ENKUR: variants seen among roughly 807,000 people sequenced by gnomAD.
ENKUR encodes the protein enkurin, TRPC channel interacting protein, also known as enkurin.
A neutral mutation model predicts 27.6 loss-of-function variants in ENKUR; 19 were observed. That is an observed-to-expected ratio of 0.69 (90% CI 0.48 to 1.01). The LOEUF (loss-of-function observed/expected upper bound fraction) is 1.01, where lower values mean the gene tolerates loss of function less well. Among genes scored for constraint, ENKUR ranks in the 50% least tolerant of loss-of-function variants. ENKUR has a pLI of 0.00. For missense variants in ENKUR, 312 were observed against 310.5 expected, an observed-to-expected ratio of 1.00 and a Z score of -0.04; for synonymous variants, 117 against 96.9, an observed-to-expected ratio of 1.21 and a Z score of -1.22.
intron 1 of ENKUR, among the ~76,000 whole-genome samples, chr10:25,011,680 T>C (rs4748994): frequency 0.45 from 68,966 of 151,998 alleles, 16,843 homozygotes; most frequent in African/African-American, 0.65. Flanking sequence ...TGGGCAAGGT[T>C]TTCATGTCTA....
chr10:24,999,269 T>C, intron 2 of ENKUR, 132 bp downstream of exon 2: 1 of 861,168 alleles, frequency 1.2e-6, no homozygotes, highest in Non-Finnish European at 1.7e-6. Flanking sequence ...CACTTTCTCC[T>C]AGTCAAATTC....
At chr10:25,027,413 T>C (rs1210061451) in intron 2 of ENKUR, among the ~76,000 whole-genome samples, 2 of 139,354 alleles carry the variant, frequency 1.4e-5, no homozygotes, top group East Asian at 4.6e-4. Context: ...GGCGCATGCC[T>C]GTAGTCCCAG....
intron 3 of ENKUR, among the ~76,000 whole-genome samples, chr10:24,991,073 G>T (rs1849917793): frequency 6.6e-6 from 1 of 152,134 alleles, no homozygotes; most frequent in Non-Finnish European, 1.5e-5. Flanking sequence ...CTCCAGCCTG[G>T]GTGTCAGAGT....
chr10:25,028,483 G>T (rs180835019), intron 2 of ENKUR, among the ~76,000 whole-genome samples: 1 of 152,164 alleles, frequency 6.6e-6, no homozygotes, highest in Admixed American at 6.5e-5. Context: ...TACTTAAATG[G>T]TGTGTGTCAT....
chr10:25,028,718 A>C (rs1202630640), intron 2 of ENKUR, among the ~76,000 whole-genome samples: 1 of 152,180 alleles, frequency 6.6e-6, no homozygotes, highest in Non-Finnish European at 1.5e-5. Context: ...CAGAGTGTAA[A>C]ATATATGTAC....
At chr10:25,002,896 G>A (rs1850220445) in intron 1 of ENKUR, among the ~76,000 whole-genome samples, 1 of 151,078 alleles carries the variant, frequency 6.6e-6, no homozygotes, top group Non-Finnish European at 1.5e-5. Flanking sequence ...ATGGTCTCGT[G>A]ATTAATAAGA....
At chr10:24,987,454 T>A (rs1281954428) in intron 4 of ENKUR, among the ~76,000 whole-genome samples, 1 of 151,124 alleles carries the variant, frequency 6.6e-6, no homozygotes, top group Non-Finnish European at 1.5e-5. Context: ...CTGGGCAACA[T>A]AGTCAGACTC....
rs1044504595 is a variant in ENKUR at position 25,054,946 on chromosome 10, A to G, written c.37+6166T>C. The stretch of plus-strand genomic sequence containing the variant: ...TGCCTTGGTTTCCCCAAGTGTTGAG[A>G]TTACAGGCGTGAGCCACTGCACCTG... On this transcript the variant is annotated intron_variant, in intron 2 of 5. Coordinates refer to the ENKUR transcript ENST00000615958. Among the ~76,000 whole-genome samples the G allele has an allele frequency of 3.9e-5, 6 of 152,082 alleles. No homozygotes were observed. The South Asian group carries it at 1.2e-3, about 32-fold the overall frequency.
chr10:25,058,395 T>C (rs1378300289), intron 2 of ENKUR, among the ~76,000 whole-genome samples: 1 of 152,056 alleles, frequency 6.6e-6, no homozygotes, highest in Admixed American at 6.6e-5. Flanking sequence ...TCTGTAGATA[T>C]GGGGGTCTCA....
chr10:25,016,664 C>G (rs1038625519), upstream of ENKUR: 5 of 152,394 alleles, frequency 3.3e-5, no homozygotes, highest in Admixed American at 3.3e-4. Flanking sequence ...GTCCACTGCG[C>G]GGGGGCGGGA....
Position 25,015,981 on chromosome 10 carries a change from C to T in ENKUR, c.-45G>A, listed in dbSNP as rs1850560673. 1 of 1,582,796 alleles carries T rather than the reference C, an allele frequency of 6.3e-7. No homozygotes were observed. The highest frequency in any genetic ancestry group is 2.3e-5 in the East Asian group (1 of 43,810). ...AAAAGCTACTCTCCACAACTTTTTT[C>T]TCCCTGTCCCAGTATCTCCGTCCCT... is the stretch of plus-strand genomic sequence containing the variant. On this transcript the variant is annotated 5_prime_UTR_variant, in exon 1 of 6. Coordinates refer to ENST00000331161, the MANE Select transcript of ENKUR (RefSeq NM_145010.4).
At chr10:25,037,611 C>A (rs776387939) in intron 2 of ENKUR, among the ~76,000 whole-genome samples, 1 of 152,128 alleles carries the variant, frequency 6.6e-6, no homozygotes, top group African/African-American at 2.4e-5. Context: ...GAACTTTTAC[C>A]TCCAAACATG....
At chr10:25,024,255 T>A in intron 2 of ENKUR, 1 of 1,614,222 alleles carries the variant, frequency 6.2e-7, no homozygotes, top group Non-Finnish European at 8.5e-7. Context: ...AGTTGTTTCA[T>A]GGACCAACAG....
In ENKUR at chr10:25,022,432, T is replaced by A. The variant is rs532758123; in HGVS notation, c.38-26563A>T. 1.4e-4 allele frequency among the ~76,000 whole-genome samples: 21 copies of A among 152,216 alleles called. 1 individual carries two copies. The highest frequency in any genetic ancestry group is 2.9e-4 in the Non-Finnish European group (20 of 68,028). On this transcript the variant is annotated intron_variant, in intron 2 of 5. Transcript: ENST00000615958. ...GGTTATATGTAGCCTTTGACCTCAT[T>A]GCTGATTATTAATTTTTCTTAACTA...
chr10:25,054,547 C>CCTTTCTTT (rs371652077), intron 2 of ENKUR, among the ~76,000 whole-genome samples: 4 of 127,892 alleles, frequency 3.1e-5, no homozygotes, highest in African/African-American at 5.9e-5. Flanking sequence ...TTCTTTCTTT[C>CCTTTCTTT]CTTTCTTTCT....
chr10:25,051,891 T>C (rs989658975), intron 2 of ENKUR, among the ~76,000 whole-genome samples: 3 of 152,230 alleles, frequency 2.0e-5, no homozygotes, highest in Non-Finnish European at 4.4e-5. Context: ...CTGTCCCCTG[T>C]TCCTCTGAAA....
At chr10:25,051,687 G>C (rs771648945) in intron 2 of ENKUR, among the ~76,000 whole-genome samples, 1 of 152,320 alleles carries the variant, frequency 6.6e-6, no homozygotes, top group South Asian at 2.1e-4. Context: ...ACAAGGCTCC[G>C]CCTCCGGTAC....
At chr10:24,984,403 A>G in intron 5 of ENKUR, 27 bp from the exon 6 acceptor site, 2 of 1,568,694 alleles carry the variant, frequency 1.3e-6, no homozygotes, top group South Asian at 1.2e-5. Flanking sequence ...AAAAAAGTGA[A>G]GTTCTGAGTG....
At chr10:25,043,562 A>G (rs987084540) in intron 2 of ENKUR, among the ~76,000 whole-genome samples, 1 of 152,104 alleles carries the variant, frequency 6.6e-6, no homozygotes, top group African/African-American at 2.4e-5. Flanking sequence ...TAATATGCCT[A>G]TGAATTTTTT....
Sources: gnomAD v4.1 joint callset for allele counts (sites outside exome capture counted in the v4.1 genomes callset) on GRCh38, gnomAD v4.1.1 for gene constraint, MANE v1.5 for transcripts, NCBI Gene and HGNC (gene_info 2026-07-23, HGNC 2026-07-21) for gene names.